The following PTPRD variants were observed in gnomAD, a reference collection of about 807,000 sequenced individuals.
The protein encoded by PTPRD is protein tyrosine phosphatase receptor type D.
Under a neutral mutation model 214.5 loss-of-function variants are expected in PTPRD, and 34 were observed. The ratio of observed to expected loss-of-function variants is 0.16; its 90% CI spans 0.12 to 0.21. PTPRD has a LOEUF of 0.21. PTPRD is among the 10% of genes least tolerant of loss of function. The pLI, the probability that PTPRD is intolerant of heterozygous loss-of-function variation, is 1.00. For missense variants in PTPRD, 2,545 were observed against 2,398.7 expected (o/e 1.06, Z -1.27); for synonymous variants, 1,128 against 845.7 (o/e 1.33, Z -5.79).
At chr9:9,084,118 G>C (rs2099763320) in intron 10 of PTPRD, among the ~76,000 whole-genome samples, 1 of 152,094 alleles carries the variant, frequency 6.6e-6, no homozygotes, top group Non-Finnish European at 1.5e-5. Flanking sequence ...GTTTATTGCA[G>C]CACTATCACA....
chr9:8,458,323 A>C (rs2096274647), intron 33 of PTPRD, among the ~76,000 whole-genome samples: 1 of 152,160 alleles, frequency 6.6e-6, no homozygotes, highest in South Asian at 2.1e-4. Flanking sequence ...ATATTTCTTC[A>C]AATTTACATG....
At chr9:9,818,819 G>A (rs561043943) in intron 5 of PTPRD, among the ~76,000 whole-genome samples, 4 of 151,222 alleles carry the variant, frequency 2.6e-5, no homozygotes, top group African/African-American at 9.7e-5. Context: ...GGGAGGCTGA[G>A]GCTGGAAAAT....
At chr9:10,470,335 C>A (rs1566286421) in intron 2 of PTPRD, among the ~76,000 whole-genome samples, 1 of 151,900 alleles carries the variant, frequency 6.6e-6, no homozygotes, top group Non-Finnish European at 1.5e-5. Flanking sequence ...TAAGATGTAT[C>A]TTATGTGAAG....
chr9:10,461,585 A>C (rs552687258), intron 2 of PTPRD, among the ~76,000 whole-genome samples: 1 of 152,200 alleles, frequency 6.6e-6, no homozygotes, highest in South Asian at 2.1e-4. Flanking sequence ...CAGACACAGA[A>C]AAAAACATGT....
intron 3 of PTPRD, among the ~76,000 whole-genome samples, chr9:10,095,884 T>C (rs1178900135): frequency 2.6e-5 from 4 of 151,600 alleles, no homozygotes; most frequent in Non-Finnish European, 5.9e-5. Flanking sequence ...ACAAGGGTCA[T>C]ATGTACTTTT....
chr9:10,311,168 G>GA (rs1489630779), intron 3 of PTPRD, among the ~76,000 whole-genome samples: 3 of 151,742 alleles, frequency 2.0e-5, no homozygotes, highest in Admixed American at 1.3e-4. Context: ...TAGTACTAGG[G>GA]AAAAAACCTA....
chr9:10,092,848 G>A (rs2098446095), intron 3 of PTPRD, among the ~76,000 whole-genome samples: 2 of 151,422 alleles, frequency 1.3e-5, no homozygotes, highest in Non-Finnish European at 3.0e-5. Context: ...ATAAGCAATG[G>A]GAAAAAGACT....
At chr9:9,867,472 A>G (rs2064267434) in intron 5 of PTPRD, among the ~76,000 whole-genome samples, 1 of 148,836 alleles carries the variant, frequency 6.7e-6, no homozygotes, top group African/African-American at 2.6e-5. Flanking sequence ...TACATAATAA[A>G]CATATTTTCC....
chr9:9,065,866 C>T (rs1224509464), intron 10 of PTPRD, among the ~76,000 whole-genome samples: 1 of 152,130 alleles, frequency 6.6e-6, no homozygotes, highest in Admixed American at 6.5e-5. Context: ...TTTAACCTCA[C>T]CAATCTCAGT....
intron 7 of PTPRD, among the ~76,000 whole-genome samples, chr9:9,694,483 C>A (rs894611776): frequency 6.6e-5 from 10 of 152,034 alleles, no homozygotes; most frequent in South Asian, 2.1e-4. Context: ...TGGCCACCAC[C>A]ACCAGGACTG....
At chr9:10,437,085 TC>T (rs1318374357) in intron 2 of PTPRD, among the ~76,000 whole-genome samples, 1 of 151,752 alleles carries the variant, frequency 6.6e-6, no homozygotes, top group Non-Finnish European at 1.5e-5. Context: ...ATTTTACAAT[TC>T]CCCGTGTTTC....
At chr9:9,723,236 A>G (rs1484562163) in intron 7 of PTPRD, among the ~76,000 whole-genome samples, 1 of 152,048 alleles carries the variant, frequency 6.6e-6, no homozygotes, top group Non-Finnish European at 1.5e-5. Context: ...ACATAAGACT[A>G]TCCAGTTGTC....
At chr9:10,160,968 A>G (rs972322728) in intron 3 of PTPRD, among the ~76,000 whole-genome samples, 4 of 151,892 alleles carry the variant, frequency 2.6e-5, no homozygotes, top group Admixed American at 6.6e-5. Flanking sequence ...TCCCATTTGC[A>G]GTAGCTACAA....
intron 3 of PTPRD, among the ~76,000 whole-genome samples, chr9:10,214,752 C>A (rs1255758614): frequency 6.6e-6 from 1 of 152,056 alleles, no homozygotes; most frequent in Non-Finnish European, 1.5e-5. Context: ...AATTTCTGTG[C>A]AAAGATTTTC....
chr9:10,166,255 A>C (rs1209188254), intron 3 of PTPRD, among the ~76,000 whole-genome samples: 1 of 150,514 alleles, frequency 6.6e-6, no homozygotes, highest in Middle Eastern at 3.4e-3. Context: ...AAAAAAAAAA[A>C]AACAAAACAC....
At chr9:10,416,786 G>A (rs1001068802) in intron 2 of PTPRD, among the ~76,000 whole-genome samples, 1 of 151,788 alleles carries the variant, frequency 6.6e-6, no homozygotes, top group Admixed American at 6.6e-5. Flanking sequence ...GGCTGAAGGT[G>A]GGTGTTTCCA....
chr9:9,933,909 T>A (rs1280995712), intron 5 of PTPRD, among the ~76,000 whole-genome samples: 2 of 147,016 alleles, frequency 1.4e-5, no homozygotes, highest in African/African-American at 5.3e-5. Context: ...AAACTAGAAC[T>A]CAGGATTAAG....
intron 6 of PTPRD, among the ~76,000 whole-genome samples, chr9:9,744,896 T>C (rs556182177): frequency 3.1e-4 from 47 of 152,050 alleles, no homozygotes; most frequent in Admixed American, 7.9e-4. Context: ...TGCTTGAGTA[T>C]ATCATTTGCA....
chr9:8,334,812 AAAAGGAC>A (rs1473607397), intron 43 of PTPRD, among the ~76,000 whole-genome samples: 1 of 127,300 alleles, frequency 7.9e-6, no homozygotes, highest in Non-Finnish European at 1.7e-5. Flanking sequence ...GACACAATAA[AAAAGGAC>A]AAAGGGGAAA....
Sources: allele counts gnomAD v4.1 joint callset (sites outside exome capture counted in the v4.1 genomes callset), GRCh38; gene constraint gnomAD v4.1.1; transcripts MANE v1.5; gene names NCBI Gene and HGNC (gene_info 2026-07-23, HGNC 2026-07-21).